BAIAP2L1: variants seen among roughly 807,000 people sequenced by gnomAD.
BAIAP2L1 encodes the protein BAR/IMD domain containing adaptor protein 2 like 1.
A neutral mutation model predicts 66.3 loss-of-function variants in BAIAP2L1; 35 were observed. The observed-to-expected ratio is 0.53, with a 90% CI of 0.40 to 0.70. The LOEUF is 0.70. Among genes scored for constraint, BAIAP2L1 ranks in the 30% least tolerant of loss-of-function variants. The pLI is 0.00. For missense variants in BAIAP2L1, 622 were observed against 656.9 expected, an observed-to-expected ratio of 0.95 and a Z score of 0.58; for synonymous variants, 269 against 248.7, an observed-to-expected ratio of 1.08 and a Z score of -0.77.
chr7:98,379,688 G>A (rs879112247), intron 1 of BAIAP2L1, among the ~76,000 whole-genome samples: 1 of 152,152 alleles, frequency 6.6e-6, no homozygotes, highest in Admixed American at 6.6e-5. Flanking sequence ...CCATCAACTG[G>A]TGAATGAACA....
At chr7:98,293,624 A>G (rs755231551) in intron 13 of BAIAP2L1, 28 bp from the exon 14 acceptor site, 5 of 1,598,388 alleles carry the variant, frequency 3.1e-6, no homozygotes, top group African/African-American at 2.7e-5. Context: ...AATCTTTCAG[A>G]ACTTCTGCTC....
At chr7:98,364,948 C>G (rs957338561) in intron 1 of BAIAP2L1, among the ~76,000 whole-genome samples, 1 of 126,832 alleles carries the variant, frequency 7.9e-6, no homozygotes, top group Non-Finnish European at 1.6e-5. Context: ...GACTGCACCA[C>G]TTCACTCCAA....
At chr7:98,386,591 G>A (rs926578943) in intron 1 of BAIAP2L1, 12 of 1,594,722 alleles carry the variant, frequency 7.5e-6, no homozygotes, top group Non-Finnish European at 1.0e-5. Context: ...CCATGGTGCT[G>A]GTCAGAGAGC....
intron 1 of BAIAP2L1, among the ~76,000 whole-genome samples, chr7:98,398,955 T>C (rs908045772): frequency 2.0e-5 from 3 of 152,098 alleles, no homozygotes; most frequent in Admixed American, 1.3e-4. Flanking sequence ...TGCCTCAAAT[T>C]TGCAATGGCC....
intron 3 of BAIAP2L1, among the ~76,000 whole-genome samples, chr7:98,329,980 A>G (rs1291512948): frequency 2.0e-5 from 3 of 152,220 alleles, no homozygotes; most frequent in Admixed American, 6.5e-5. Context: ...CAAGGACATC[A>G]GAGGAAAACC....
In BAIAP2L1 at chr7:98,293,439, C is replaced by G. The variant is rs769200120; in HGVS notation, c.*82G>C. The G allele has an allele frequency of 9.1e-6, 12 of 1,318,064 alleles. No individual in the cohort carries two copies. Among genetic ancestry groups the G allele is most frequent in the Non-Finnish European group, 1.1e-5 (10 of 919,390 alleles). The allele number at this position is 1,318,064 out of a possible 1,614,324, so 81.6% of individuals were successfully genotyped here. A position where few individuals can be genotyped will look rare whatever the true frequency, so the allele number is the denominator to read the frequency against. On this transcript the variant is annotated 3_prime_UTR_variant, in exon 14 of 14. Transcript: ENST00000005260. The stretch of plus-strand genomic sequence containing the variant: ...GGCCTCTCCACTGAAGCTTCCCGAC[C>G]GTCAGCACGTGGCAGACAGGATGCG...
chr7:98,294,515 A>G (rs1562961658), intron 12 of BAIAP2L1, among the ~76,000 whole-genome samples: 1 of 152,194 alleles, frequency 6.6e-6, no homozygotes, highest in African/African-American at 2.4e-5. Context: ...GGGAGCTCAC[A>G]TGTGAACGAG....
intron 9 of BAIAP2L1, chr7:98,308,362 C>T (rs1410485397): frequency 2.2e-6 from 1 of 444,766 alleles, no homozygotes; most frequent in South Asian, 1.6e-5. Flanking sequence ...ATGCTGGCCG[C>T]TCAGCTTCTC....
In BAIAP2L1 at chr7:98,315,624, AAAATAAT is replaced by A; in HGVS notation, c.487-19_487-13del. On this transcript the variant is annotated splice_polypyrimidine_tract_variant and intron_variant, in intron 6 of 13. Transcript: ENST00000005260. ...ACGGTCTCCACATACTAAAAAAAAA[AAAATAAT>A]AATAATAATAATTATATAAGCATGA... 15 of 1,171,916 alleles carry A rather than the reference AAAATAAT, an allele frequency of 1.3e-5. No individual in the cohort carries two copies. The East Asian group carries it at 2.8e-4, about 22-fold the overall frequency. The allele number at this position is 1,171,916 out of a possible 1,614,324, so 72.6% of individuals were successfully genotyped here.
rs368465881 is a variant in BAIAP2L1, at chr7:98,349,243, G to C, written c.214+5799C>G. Among the ~76,000 whole-genome samples the C allele has an allele frequency of 1.2e-3, 181 of 152,288 alleles. 1 individual carries two copies. Among genetic ancestry groups the C allele is most frequent in the African/African-American group, 4.0e-3 (168 of 41,568 alleles). ...AACACTGCACTCTGCAACCCCTGAGGAAGAAGTCACCCAGGAGGCTACTGA... is the reference window on the plus strand; with the variant it reads ...AACACTGCACTCTGCAACCCCTGAGCAAGAAGTCACCCAGGAGGCTACTGA... On this transcript the variant is annotated intron_variant, in intron 3 of 13. Coordinates refer to ENST00000005260, the MANE Select transcript of BAIAP2L1 (RefSeq NM_018842.5).
chr7:98,338,048 T>C (rs982575448), intron 3 of BAIAP2L1, among the ~76,000 whole-genome samples: 5 of 152,250 alleles, frequency 3.3e-5, no homozygotes, highest in Admixed American at 6.5e-5. Context: ...TGGTATAATA[T>C]ACAAAAGTTT....
intron 1 of BAIAP2L1, among the ~76,000 whole-genome samples, chr7:98,392,061 A>G (rs1803057834): frequency 6.6e-6 from 1 of 151,680 alleles, no homozygotes; most frequent in Non-Finnish European, 1.5e-5. Flanking sequence ...TTGAGCTGGG[A>G]ACGACGGTGC....
chr7:98,312,646 A>G (rs1301929715), intron 7 of BAIAP2L1, among the ~76,000 whole-genome samples: 1 of 152,114 alleles, frequency 6.6e-6, no homozygotes, highest in Non-Finnish European at 1.5e-5. Context: ...ACTCCTACTA[A>G]AAGCAGCACC....
In BAIAP2L1 at chr7:98,292,887, C is replaced by G; in HGVS notation, c.*634G>C. The G allele has an allele frequency of 2.8e-6, 4 of 1,432,706 alleles. No individual in the cohort carries two copies. Among genetic ancestry groups the G allele is most frequent in the Non-Finnish European group, 3.7e-6 (4 of 1,095,212 alleles). 88.7% of individuals were successfully genotyped at this position (1,432,706 alleles called of 1,614,324 possible). On this transcript the variant is annotated 3_prime_UTR_variant, in exon 14 of 14. Transcript: ENST00000005260. The stretch of plus-strand genomic sequence containing the variant: ...AAGGAGCTCTCGGAGGAGATTTCGT[C>G]GAGTGCTACGTGTGGCTGTGATAAG...
At chr7:98,294,027 G>A in intron 13 of BAIAP2L1, 47 bp downstream of exon 13, 15 of 1,602,272 alleles carry the variant, frequency 9.4e-6, no homozygotes, top group Non-Finnish European at 1.3e-5. Flanking sequence ...ACACTACAGG[G>A]AAGAGCAATG....
In BAIAP2L1 at chr7:98,378,522, G is replaced by A. The variant is rs990306920; in HGVS notation, c.52-16090C>T. On this transcript the variant is annotated intron_variant, in intron 1 of 13. Transcript: ENST00000005260. ...TCTTCCACAAATGGTGGCAACCCCA[G>A]CCTCTCTCTAGCTCTGTTCCTGGCT... 3.7e-4 allele frequency among the ~76,000 whole-genome samples: 57 copies of A among 152,206 alleles called. 1 individual carries two copies. The highest frequency in any genetic ancestry group is 3.6e-3 in the Admixed American group (55 of 15,272).
intron 5 of BAIAP2L1, 42 bp from the exon 6 acceptor site, chr7:98,317,398 A>G: frequency 4.4e-6 from 7 of 1,606,800 alleles, no homozygotes; most frequent in Non-Finnish European, 5.9e-6. Context: ...GTGGCACCAC[A>G]CGAATTGTCA....
At chr7:98,320,191 A>G (rs1235760614) in intron 4 of BAIAP2L1, 46 bp downstream of exon 4, 1 of 1,589,056 alleles carries the variant, frequency 6.3e-7, no homozygotes, top group South Asian at 1.1e-5. Flanking sequence ...TAAGTTCTAA[A>G]ACCTGAAATG....
intron 9 of BAIAP2L1, chr7:98,308,119 G>A (rs952608465): frequency 1.2e-5 from 8 of 670,504 alleles, no homozygotes; most frequent in Non-Finnish European, 1.9e-5. Flanking sequence ...GCACCGTGCA[G>A]AAGAGGATCC....
Sources: gnomAD v4.1 joint callset for allele counts (sites outside exome capture counted in the v4.1 genomes callset) on GRCh38, gnomAD v4.1.1 for gene constraint, MANE v1.5 for transcripts, NCBI Gene and HGNC (gene_info 2026-07-23, HGNC 2026-07-21) for gene names.